MYO5B: variants seen among roughly 807,000 people sequenced by gnomAD.
The protein encoded by MYO5B is unconventional myosin-Vb.
In MYO5B, 143 loss-of-function variants were observed where a neutral mutation model predicts 229.3. That is an observed-to-expected ratio of 0.62 (90% CI 0.54 to 0.72). The LOEUF is 0.72. Among genes scored for constraint, MYO5B ranks in the 30% least tolerant of loss-of-function variants. The pLI, the probability that MYO5B is intolerant of heterozygous loss-of-function variation, is 0.00. For missense variants in MYO5B, 2,321 were observed against 2,331.0 expected (o/e 1.00, Z 0.09); for synonymous variants, 918 against 885.2 (o/e 1.04, Z -0.66).
chr18:50,175,498 C>T (rs1377679393), intron 1 of MYO5B, among the ~76,000 whole-genome samples: 1 of 152,214 alleles, frequency 6.6e-6, no homozygotes, highest in Admixed American at 6.5e-5. Context: ...AGTTGGAAAC[C>T]TATTTCTTTA....
intron 1 of MYO5B, among the ~76,000 whole-genome samples, chr18:50,146,238 T>C (rs917027411): frequency 6.6e-6 from 1 of 152,172 alleles, no homozygotes; most frequent in Non-Finnish European, 1.5e-5. Flanking sequence ...GCCCCTCACT[T>C]TAGAGATGGG....
chr18:50,107,574 C>G (rs935407665), intron 1 of MYO5B, among the ~76,000 whole-genome samples: 5 of 152,080 alleles, frequency 3.3e-5, no homozygotes, highest in African/African-American at 7.2e-5. Flanking sequence ...AACTGAAACC[C>G]TAAGTTGTTA....
Position 49,826,472 on chromosome 18 carries a change from C to CA in MYO5B, c.5545dup (p.Ter1849LeufsTer24), listed in dbSNP as rs775640644. The CA allele has an allele frequency of 6.2e-7, 1 of 1,613,776 alleles. No individual in the cohort carries two copies. Among genetic ancestry groups the CA allele is most frequent in the African/African-American group, 1.3e-5 (1 of 74,896 alleles). ...AACTAATGCTGGAAACATGCATCTT[C>CA]AGACTTCATTGAGGAATTCCAGATT... On this transcript the variant is annotated frameshift_variant and stop_lost, in exon 40 of 40. Coordinates refer to ENST00000285039, the MANE Select transcript of MYO5B (RefSeq NM_001080467.3). LOFTEE classifies it high-confidence loss of function.
chr18:50,182,339 C>T (rs2033084898), intron 1 of MYO5B, among the ~76,000 whole-genome samples: 1 of 152,172 alleles, frequency 6.6e-6, no homozygotes, highest in Admixed American at 6.5e-5. Flanking sequence ...TGCAAATACC[C>T]ATGGGTCTTC....
chr18:49,873,630 G>A (rs1280227710), intron 26 of MYO5B, among the ~76,000 whole-genome samples: 1 of 152,226 alleles, frequency 6.6e-6, no homozygotes, highest in Non-Finnish European at 1.5e-5. Flanking sequence ...TGTGTTCTAT[G>A]TAGCATGGAT....
In MYO5B at chr18:50,051,518, G is replaced by A. The variant is rs144145695; in HGVS notation, c.138+3750C>T. On this transcript the variant is annotated intron_variant, in intron 2 of 39. Transcript: ENST00000285039. Reference sequence around the variant, plus strand: ...CAAAAAGGGAGGTGGGGCCAGGAGAGAGAAGGCCTGGCCTGCACAGAGGTG... The same window carrying A: ...CAAAAAGGGAGGTGGGGCCAGGAGAAAGAAGGCCTGGCCTGCACAGAGGTG... Among the ~76,000 whole-genome samples the A allele has an allele frequency of 2.2e-3, 331 of 152,318 alleles. 1 individual carries two copies. The highest frequency in any genetic ancestry group is 7.4e-3 in the African/African-American group (308 of 41,580).
rs1257288138 is a variant in MYO5B at position 50,047,450 on chromosome 18, G to C, written c.139-7136C>G. Among the ~76,000 whole-genome samples, 19 of 152,270 alleles carry C rather than the reference G, an allele frequency of 1.2e-4. 1 individual carries two copies. The South Asian group carries it at 3.7e-3, about 30-fold the overall frequency. The stretch of plus-strand genomic sequence containing the variant: ...AAAAGTCAGGAAACAACAGGTGCTG[G>C]AGAGGATGTGGAGAAATAGAAACAC... On this transcript the variant is annotated intron_variant, in intron 2 of 39. Transcript: ENST00000285039.
intron 31 of MYO5B, among the ~76,000 whole-genome samples, chr18:49,852,767 C>T (rs557299551): frequency 6.6e-6 from 1 of 152,206 alleles, no homozygotes; most frequent in Non-Finnish European, 1.5e-5. Flanking sequence ...CTTCATACCT[C>T]CTGTCTCAGC....
At position 49,904,677 on chromosome 18, in the gene MYO5B, G is replaced by C. The variant is rs770761011; in HGVS notation, c.2566C>G (p.Arg856Gly). ...TRAMFVRRTY[R>G]QVLMEHKATT... is the part of the protein sequence containing the mutation. ...CCCTCAGAGTGGCTACTCACCTGGC[G>C]GTAGGTTCTCCGCACAAACATGGCC... Residue 856 changes from arginine to glycine, a missense_variant, in exon 20 of 40, where the codon CGC (arginine) becomes GGC (glycine). Physicochemically the swap from Arg to Gly is moderately radical, Grantham distance 125. Transcript: ENST00000285039. The C allele has an allele frequency of 1.2e-6, 2 of 1,613,732 alleles. No individual in the cohort carries two copies. The highest frequency in any genetic ancestry group is 8.5e-7 in the Non-Finnish European group (1 of 1,180,042).
chr18:50,002,348 G>A (rs1027354461), intron 4 of MYO5B, among the ~76,000 whole-genome samples: 3 of 152,100 alleles, frequency 2.0e-5, no homozygotes, highest in African/African-American at 7.2e-5. Flanking sequence ...AGGGCAGGAA[G>A]AAGATACTCT....
In MYO5B at chr18:50,063,141, C is replaced by T. The variant is rs188712483; in HGVS notation, c.28-7763G>A. 3.0e-4 allele frequency among the ~76,000 whole-genome samples: 46 copies of T among 152,198 alleles called. No homozygotes were observed. In the East Asian group the frequency reaches 8.1e-3, roughly 27 times the overall value. On this transcript the variant is annotated intron_variant, in intron 1 of 39. Coordinates refer to ENST00000285039, the MANE Select transcript of MYO5B (RefSeq NM_001080467.3). ...CAAAGAATCCCAACAGAACCATGTG[C>T]GTATAAAGTGTCATGGGAACAGAGA...
chr18:50,109,406 G>C (rs182097037), intron 1 of MYO5B, among the ~76,000 whole-genome samples: 13 of 151,540 alleles, frequency 8.6e-5, no homozygotes, highest in Admixed American at 3.9e-4. Context: ...ATCACAACTG[G>C]TCCGCTGGTC....
intron 2 of MYO5B, among the ~76,000 whole-genome samples, chr18:50,045,322 C>G (rs902149151): frequency 4.6e-5 from 7 of 152,194 alleles, no homozygotes; most frequent in African/African-American, 1.7e-4. Flanking sequence ...TGTTTGCAAA[C>G]AGAAGGAAAG....
At chr18:49,860,148 A>C (rs914760948) in intron 29 of MYO5B, among the ~76,000 whole-genome samples, 4 of 151,880 alleles carry the variant, frequency 2.6e-5, no homozygotes, top group Non-Finnish European at 5.9e-5. Flanking sequence ...GGAGTTTTAC[A>C]CTCTTGATAA....
At chr18:50,004,099 A>G (rs1296874105) in intron 4 of MYO5B, among the ~76,000 whole-genome samples, 2 of 152,186 alleles carry the variant, frequency 1.3e-5, no homozygotes, top group African/African-American at 4.8e-5. Context: ...CTGGGGAGTG[A>G]CTGGAAAGTC....
In MYO5B at chr18:50,055,252, C is replaced by CCCCCCCCCCCCAA; in HGVS notation, c.138+15_138+16insTTGGGGGGGGGGG. ...CCCACCTCACCCCCGCCCCCCTGCC[C>CCCCCCCCCCCCAA]CGGACTCACTCTTACCGTTTCATCC... On this transcript the variant is annotated intron_variant, in intron 2 of 39. Coordinates refer to ENST00000285039, the MANE Select transcript of MYO5B (RefSeq NM_001080467.3). 7.0e-7 allele frequency: 1 copy of CCCCCCCCCCCCAA among 1,437,318 alleles called. No homozygotes were observed. Among genetic ancestry groups the CCCCCCCCCCCCAA allele is most frequent in the Non-Finnish European group, 9.8e-7 (1 of 1,023,146 alleles). 89.0% of individuals were successfully genotyped at this position (1,437,318 alleles called of 1,614,324 possible).
chr18:49,906,694 C>A (rs900593345), intron 18 of MYO5B, 64 bp from the exon 19 acceptor site: 2 of 1,398,888 alleles, frequency 1.4e-6, no homozygotes, highest in Non-Finnish European at 2.0e-6. Flanking sequence ...ATGGCCCATA[C>A]CACCCTTGTT....
At chr18:50,173,649 C>T (rs1461925196) in intron 1 of MYO5B, among the ~76,000 whole-genome samples, 3 of 152,162 alleles carry the variant, frequency 2.0e-5, no homozygotes, top group African/African-American at 7.2e-5. Context: ...GCTGAGCCAA[C>T]AGGACTTGCT....
At chr18:49,919,147 T>C (rs1018829604) in intron 17 of MYO5B, among the ~76,000 whole-genome samples, 1 of 152,194 alleles carries the variant, frequency 6.6e-6, no homozygotes, top group Non-Finnish European at 1.5e-5. Context: ...GATAAATGCA[T>C]ACAAAAGAAT....
Sources: allele counts gnomAD v4.1 joint callset (sites outside exome capture counted in the v4.1 genomes callset), GRCh38; gene constraint gnomAD v4.1.1; transcripts MANE v1.5; gene names NCBI Gene and HGNC (gene_info 2026-07-23, HGNC 2026-07-21).